KCNN1: variants seen among roughly 807,000 people sequenced by gnomAD.
KCNN1 encodes small conductance calcium-activated potassium channel protein 1.
KCNN1 carries 20 observed loss-of-function variants against 44.7 expected under a neutral mutation model. The ratio of observed to expected loss-of-function variants is 0.45; its 90% confidence interval spans 0.32 to 0.65. KCNN1 has a LOEUF of 0.65. Among genes scored for constraint, KCNN1 ranks in the 30% least tolerant of loss-of-function variants. The pLI is 0.05. For synonymous variants in KCNN1, 324 were observed against 341.7 expected (o/e 0.95, Z 0.57); for missense variants, 632 against 785.3 (o/e 0.80, Z 2.33).
intron 1 of KCNN1, among the ~76,000 whole-genome samples, chr19:17,970,289 ATTTTTTTTTTTTT>A (rs71164333): frequency 2.1e-3 from 118 of 56,834 alleles, no homozygotes; most frequent in South Asian, 3.3e-3. Context: ...AGAAGGAATG[ATTTTTTTTTTTTT>A]TTTTTTTTTT....
At chr19:17,968,806 G>A (rs1369085338) in intron 1 of KCNN1, among the ~76,000 whole-genome samples, 2 of 152,146 alleles carry the variant, frequency 1.3e-5, no homozygotes, top group African/African-American at 4.8e-5. Flanking sequence ...ACCAGACAGA[G>A]TAGTAAAAGT....
At chr19:17,985,570 C>G in intron 5 of KCNN1, 117 bp downstream of exon 5, 2 of 901,416 alleles carry the variant, frequency 2.2e-6, no homozygotes, top group Non-Finnish European at 3.2e-6. Context: ...TGTGCCTGAT[C>G]AGCGTCCCTC....
chr19:17,966,070 T>A (rs2031802700), upstream of KCNN1, among the ~76,000 whole-genome samples: 1 of 134,632 alleles, frequency 7.4e-6, no homozygotes, highest in Non-Finnish European at 1.6e-5. Flanking sequence ...CCTTCCTTCC[T>A]TCCTTCCTTC....
At chr19:17,951,933 G>T (rs943491441) in intron 1 of KCNN1, among the ~76,000 whole-genome samples, 5 of 152,358 alleles carry the variant, frequency 3.3e-5, no homozygotes, top group Admixed American at 6.5e-5. Flanking sequence ...CCGCTCTCCG[G>T]GCCTCAGTTT....
At chr19:17,979,529 G>GGGGGGT (rs1037315901) in intron 3 of KCNN1, among the ~76,000 whole-genome samples, 1 of 129,622 alleles carries the variant, frequency 7.7e-6, no homozygotes, top group African/African-American at 2.8e-5. Flanking sequence ...AAAATAGGGT[G>GGGGGGT]GGGGGTGGGG....
In KCNN1 at chr19:17,993,143, A is replaced by G. The variant is rs1442631094; in HGVS notation, c.1307+81A>G. 5.8e-6 allele frequency: 9 copies of G among 1,543,316 alleles called. No individual in the cohort carries two copies. The Admixed American group carries it at 1.4e-4, about 24-fold the overall frequency. The stretch of plus-strand genomic sequence containing the variant: ...CACAGACAGGGGGTACACCCGGGGC[A>G]TGCCAACCCCAGCCTCAGAGGCGGG... On this transcript the variant is annotated intron_variant, in intron 8 of 9. Coordinates refer to ENST00000684775, the MANE Select transcript of KCNN1 (RefSeq NM_001386974.1). The surrounding 1 kb of genome is among the most constrained non-coding windows in gnomAD (Gnocchi z 4.5).
chr19:17,980,594 G>A (rs1484542411), intron 3 of KCNN1, among the ~76,000 whole-genome samples: 2 of 152,050 alleles, frequency 1.3e-5, no homozygotes, highest in South Asian at 2.1e-4. Context: ...ACGAGGTCAC[G>A]TTTCTGACTT....
chr19:17,986,362 CAAAAAAAAA>C (rs34295668), intron 5 of KCNN1, among the ~76,000 whole-genome samples: 2 of 140,386 alleles, frequency 1.4e-5, no homozygotes, highest in Non-Finnish European at 3.1e-5. Flanking sequence ...AACTAAGTCT[CAAAAAAAAA>C]AAAAAGAAAA....
intron 3 of KCNN1, among the ~76,000 whole-genome samples, chr19:17,981,024 C>G (rs1304661213): frequency 6.6e-6 from 1 of 152,028 alleles, no homozygotes; most frequent in Admixed American, 6.6e-5. Flanking sequence ...TGAGACCAGC[C>G]TGGCCAACAT....
chr19:17,988,444 T>C lies in KCNN1; in HGVS notation c.1089T>C (p.Ala363=). Residue 363 remains alanine (A), a synonymous_variant, in exon 6 of 10, where the codon GCT becomes GCC. Transcript: ENST00000684775. ...CTGGCTGTACCGCGCTCGTGGTGGC[T>C]GTGGTGGCTCGGAAGCTGGAGCTCA... is the stretch of plus-strand genomic sequence containing the variant. ...MGAGCTALVV[A]VVARKLELTK... is the part of the protein sequence containing the mutation. The C allele has an allele frequency of 1.9e-6, 3 of 1,613,158 alleles. No individual in the cohort carries two copies. Among genetic ancestry groups the C allele is most frequent in the Non-Finnish European group, 2.5e-6 (3 of 1,179,778 alleles).
rs372394657 is a variant in KCNN1 at position 17,998,627 on chromosome 19, G to C, written c.*221G>C. 5.3e-4 allele frequency: 257 copies of C among 484,570 alleles called. 7 individuals carry two copies. In the South Asian group the frequency reaches 0.011, roughly 21 times the overall value. 30.0% of individuals were successfully genotyped at this position (484,570 alleles called of 1,614,324 possible). ...GCTTCCTCTGGTCACCTGGTCCCCCGACTCTCCCCAGGCCCCCGGTGGGCA... is the reference window on the plus strand; with the variant it reads ...GCTTCCTCTGGTCACCTGGTCCCCCCACTCTCCCCAGGCCCCCGGTGGGCA... On this transcript the variant is annotated 3_prime_UTR_variant, in exon 10 of 10. Transcript: ENST00000684775. This position sits in a 1 kb window ranked among gnomAD's most constrained non-coding sequence, Gnocchi z 5.4.
At chr19:17,960,082 CA>C (rs973338048) in intron 2 of KCNN1, among the ~76,000 whole-genome samples, 9 of 139,650 alleles carry the variant, frequency 6.4e-5, no homozygotes, top group Middle Eastern at 3.6e-3. Context: ...GACTCCATCT[CA>C]AAAAAACTAA....
At chr19:17,963,471 C>T (rs1397865398), upstream of KCNN1, among the ~76,000 whole-genome samples, 1 of 152,044 alleles carries the variant, frequency 6.6e-6, no homozygotes, top group Non-Finnish European at 1.5e-5. Context: ...CCCACCAACA[C>T]ACCCGGCTAA....
Position 17,955,853 on chromosome 19 carries a change from G to A in KCNN1, c.-82+1172G>A, listed in dbSNP as rs188167417. Among the ~76,000 whole-genome samples the A allele has an allele frequency of 4.0e-3, 599 of 150,256 alleles. 6 individuals carry two copies. The highest frequency in any genetic ancestry group is 8.1e-3 in the Admixed American group (123 of 15,098). On this transcript the variant is annotated intron_variant, in intron 2 of 10. Coordinates refer to the KCNN1 transcript ENST00000222249. Reference sequence around the variant, plus strand: ...GGTCTCGCTGGAGACAGCCCCCAGGGTAGGCCAGCTCTGTGGAAGGCAGCT... The same window carrying A: ...GGTCTCGCTGGAGACAGCCCCCAGGATAGGCCAGCTCTGTGGAAGGCAGCT...
In KCNN1 at chr19:17,973,852, G is replaced by A. The variant is rs757017151; in HGVS notation, c.-37G>A. ...CGCTGAGCCATGCCGGGCCCCGGGC[G>A]GCCTGCAGCGAGCCCAACCCCTGCA... On this transcript the variant is annotated 5_prime_UTR_variant, in exon 2 of 10. Transcript: ENST00000684775. 2.2e-4 allele frequency: 337 copies of A among 1,542,168 alleles called. No individual in the cohort carries two copies. The highest frequency in any genetic ancestry group is 5.4e-4 in the African/African-American group (39 of 72,878).
intron 7 of KCNN1, among the ~76,000 whole-genome samples, chr19:17,990,219 G>A (rs775364749): frequency 9.2e-5 from 14 of 152,150 alleles, no homozygotes; most frequent in East Asian, 1.9e-4. Context: ...GGCCAGGTGC[G>A]GTGGCTCATG....
chr19:17,971,597 G>A (rs2032025978), intron 1 of KCNN1, among the ~76,000 whole-genome samples: 1 of 151,934 alleles, frequency 6.6e-6, no homozygotes, highest in Non-Finnish European at 1.5e-5. Flanking sequence ...TGAGTAGGTG[G>A]GATTACAGGC....
intron 7 of KCNN1, among the ~76,000 whole-genome samples, chr19:17,990,746 G>A (rs1317838000): frequency 2.0e-5 from 3 of 149,034 alleles, no homozygotes; most frequent in African/African-American, 5.0e-5. Context: ...CTCGCAGTAA[G>A]CTGAGATTGC....
chr19:17,965,397 G>C (rs2031776634), upstream of KCNN1, among the ~76,000 whole-genome samples: 2 of 152,296 alleles, frequency 1.3e-5, no homozygotes, highest in African/African-American at 4.8e-5. Flanking sequence ...GGGTTGAGCT[G>C]TCAGGGGCCA....
Sources: gnomAD v4.1 joint callset for allele counts (sites outside exome capture counted in the v4.1 genomes callset) on GRCh38, gnomAD v4.1.1 for gene constraint, Gnocchi (gnomAD v3.1) non-coding constraint, MANE v1.5 for transcripts, NCBI Gene and HGNC (gene_info 2026-07-23, HGNC 2026-07-21) for gene names.